EDN3: variants seen among roughly 807,000 people sequenced by gnomAD.
EDN3 encodes endothelin 3, also known as endothelin-3.
Under a neutral mutation model 21.4 loss-of-function variants are expected in EDN3, and 9 were observed. That is an observed-to-expected ratio of 0.42 (90% CI 0.25 to 0.73). EDN3 has a LOEUF of 0.73. Ranked by LOEUF, EDN3 falls within the 30% of genes least tolerant of loss-of-function variation. The pLI is 0.26. For missense variants in EDN3, 327 were observed against 309.4 expected (o/e 1.06, Z -0.43); for synonymous variants, 133 against 126.2 (o/e 1.05, Z -0.36).
Position 59,324,604 on chromosome 20 carries a change from C to T in EDN3, c.*145C>T, listed in dbSNP as rs886056881. ...AGAGTCCCCACTTAACAATACCCCC[C>T]CCCCACGGCAAGAATGCCCAAATCC... On this transcript the variant is annotated 3_prime_UTR_variant, in exon 5 of 5. Transcript: ENST00000337938. 9 of 1,105,186 alleles carry T rather than the reference C, an allele frequency of 8.1e-6. No individual in the cohort carries two copies. The East Asian group carries it at 1.6e-4, about 19-fold the overall frequency. The allele number at this position is 1,105,186 out of a possible 1,614,324, so 68.5% of individuals were successfully genotyped here.
At chr20:59,304,301 A>T (rs776220546) in intron 2 of EDN3, among the ~76,000 whole-genome samples, 5 of 152,234 alleles carry the variant, frequency 3.3e-5, no homozygotes, top group Non-Finnish European at 5.9e-5. Flanking sequence ...GAAGTGAGGG[A>T]CACAGTCTTT....
At chr20:59,302,314 TC>T (rs1266316431) in intron 2 of EDN3, among the ~76,000 whole-genome samples, 1 of 152,144 alleles carries the variant, frequency 6.6e-6, no homozygotes, top group Admixed American at 6.5e-5. Context: ...CCTTGGGCCT[TC>T]CACAGGCTGG....
Position 59,305,665 on chromosome 20 carries a change from G to T in EDN3, c.365+3943G>T, listed in dbSNP as rs993747427. Among the ~76,000 whole-genome samples, 8 of 152,204 alleles carry T rather than the reference G, an allele frequency of 5.3e-5. No homozygotes were observed. Among genetic ancestry groups the T allele is most frequent in the African/African-American group, 1.7e-4 (7 of 41,458 alleles). On this transcript the variant is annotated intron_variant, in intron 2 of 4. Coordinates refer to ENST00000337938, the MANE Select transcript of EDN3 (RefSeq NM_207034.3). The surrounding 1 kb of genome is among the most constrained non-coding windows in gnomAD (Gnocchi z 4.2). ...GAATTTGGCTTACATGATTGTGGGGGCTGGCAGGCCAGAAATCTGCATGCC... is the reference window on the plus strand; with the variant it reads ...GAATTTGGCTTACATGATTGTGGGGTCTGGCAGGCCAGAAATCTGCATGCC...
intron 2 of EDN3, 21 bp downstream of exon 2, chr20:59,301,743 G>T: frequency 1.9e-6 from 3 of 1,613,556 alleles, no homozygotes; most frequent in South Asian, 2.2e-5. Context: ...CTTTTGTGGT[G>T]AGGAACGTGG....
At chr20:59,324,087 G>A (rs1274601348) in intron 4 of EDN3, among the ~76,000 whole-genome samples, 1 of 152,216 alleles carries the variant, frequency 6.6e-6, no homozygotes, top group Non-Finnish European at 1.5e-5. Flanking sequence ...GATGGGGCCA[G>A]GCTGCGGGAG....
Position 59,300,753 on chromosome 20 carries a change from C to T in EDN3, c.-60C>T. On this transcript the variant is annotated 5_prime_UTR_variant, in exon 1 of 5. Transcript: ENST00000337938. ...GCCAGCTGTACCCGGCCCCAGTGCC[C>T]TTTCGCGGCCACAAGCGGCCGTCCT... The T allele has an allele frequency of 6.4e-7, 1 of 1,572,008 alleles. No individual in the cohort carries two copies. The highest frequency in any genetic ancestry group is 1.8e-5 in the Admixed American group (1 of 55,810).
chr20:59,316,753 A>G (rs112561318), intron 2 of EDN3, among the ~76,000 whole-genome samples: 408 of 152,366 alleles, frequency 2.7e-3, no homozygotes, highest in Non-Finnish European at 4.4e-3. Flanking sequence ...AATAAGAAAC[A>G]TTTGATAAAA....
chr20:59,309,144 A>T (rs933649189), intron 2 of EDN3, among the ~76,000 whole-genome samples: 5 of 152,188 alleles, frequency 3.3e-5, no homozygotes, highest in Admixed American at 6.5e-5. Context: ...AGTTTTCAGT[A>T]ATGGGGCATG....
intron 2 of EDN3, among the ~76,000 whole-genome samples, chr20:59,313,909 G>C (rs1474383775): frequency 5.3e-5 from 8 of 152,214 alleles, no homozygotes; most frequent in Non-Finnish European, 1.0e-4. Context: ...GCACCCCATG[G>C]GCTGTCTGGC....
intron 2 of EDN3, among the ~76,000 whole-genome samples, chr20:59,317,815 A>G (rs968912278): frequency 6.6e-6 from 1 of 152,262 alleles, no homozygotes; most frequent in Non-Finnish European, 1.5e-5. Flanking sequence ...TGATCTCACC[A>G]TGAATTACCA....
chr20:59,311,254 G>A (rs919157527), intron 2 of EDN3, among the ~76,000 whole-genome samples: 7 of 152,088 alleles, frequency 4.6e-5, no homozygotes, highest in East Asian at 3.9e-4. Flanking sequence ...AAGGGGTCCC[G>A]ATCCAGACCC....
Position 59,324,557 on chromosome 20 carries a change from C to T in EDN3, c.*98C>T. On this transcript the variant is annotated 3_prime_UTR_variant, in exon 5 of 5. Coordinates refer to ENST00000337938, the MANE Select transcript of EDN3 (RefSeq NM_207034.3). ...CTTTATAGACAAGAAGTGAATTTGC[C>T]TGGGGCAGAACACCCACCCAAAGAG... is the stretch of plus-strand genomic sequence containing the variant. The T allele has an allele frequency of 6.3e-7, 1 of 1,574,820 alleles. No individual in the cohort carries two copies. Among genetic ancestry groups the T allele is most frequent in the Non-Finnish European group, 8.7e-7 (1 of 1,150,958 alleles).
At chr20:59,313,641 G>A (rs976132472) in intron 2 of EDN3, among the ~76,000 whole-genome samples, 2 of 152,174 alleles carry the variant, frequency 1.3e-5, no homozygotes, top group Non-Finnish European at 2.9e-5. Context: ...TGAGGGCTGC[G>A]GGAGATGGAC....
chr20:59,321,562 C>T (rs1373518768), intron 3 of EDN3, among the ~76,000 whole-genome samples: 1 of 152,186 alleles, frequency 6.6e-6, no homozygotes. Context: ...GTATTTTTAG[C>T]CTTCTCGAAA....
At chr20:59,310,051 T>C (rs2146842600) in intron 2 of EDN3, among the ~76,000 whole-genome samples, 3 of 152,322 alleles carry the variant, frequency 2.0e-5, no homozygotes, top group Admixed American at 2.0e-4. Flanking sequence ...GCCTTCAATC[T>C]GAAGGCACAT....
Position 59,306,595 on chromosome 20 carries a change from T to TAAA in EDN3, c.365+4895_365+4897dup, listed in dbSNP as rs57144708. 3.6e-3 allele frequency among the ~76,000 whole-genome samples: 226 copies of TAAA among 62,428 alleles called. 2 individuals are homozygous for TAAA. Among genetic ancestry groups the TAAA allele is most frequent in the African/African-American group, 0.017 (206 of 12,008 alleles). The allele number at this position is 62,428 out of a possible 152,430, so 41.0% of individuals were successfully genotyped here. On this transcript the variant is annotated intron_variant, in intron 2 of 4. Coordinates refer to ENST00000337938, the MANE Select transcript of EDN3 (RefSeq NM_207034.3). ...TTTTCTCCCCTAAATGCATAAAGAG[T>TAAA]AAAAAAAAAAAAAAAAAAAAAAAAG... is the stretch of plus-strand genomic sequence containing the variant.
Position 59,301,739 on chromosome 20 carries a change from T to C in EDN3, c.365+17T>C. On this transcript the variant is annotated intron_variant, in intron 2 of 4. Transcript: ENST00000337938. ...CACTCCCGAGTAAGTCAGCCTTTTGTGGTGAGGAACGTGGCTCCCGGACCA... is the reference window on the plus strand; with the variant it reads ...CACTCCCGAGTAAGTCAGCCTTTTGCGGTGAGGAACGTGGCTCCCGGACCA... 3 of 1,613,910 alleles carry C rather than the reference T, an allele frequency of 1.9e-6. No homozygotes were observed. Among genetic ancestry groups the C allele is most frequent in the Non-Finnish European group, 1.7e-6 (2 of 1,179,802 alleles).
At chr20:59,309,060 A>T (rs1037145041) in intron 2 of EDN3, among the ~76,000 whole-genome samples, 2 of 152,172 alleles carry the variant, frequency 1.3e-5, no homozygotes, top group Non-Finnish European at 2.9e-5. Flanking sequence ...GGCTGGGCTG[A>T]GATTCAGTCC....
intron 4 of EDN3, among the ~76,000 whole-genome samples, chr20:59,323,479 C>A (rs1191256799): frequency 6.6e-6 from 1 of 152,194 alleles, no homozygotes; most frequent in Admixed American, 6.5e-5. Flanking sequence ...ATTCTCGATG[C>A]TGGGGACATA....
Sources: gnomAD v4.1 joint callset for allele counts (sites outside exome capture counted in the v4.1 genomes callset) on GRCh38, gnomAD v4.1.1 for gene constraint, Gnocchi (gnomAD v3.1) non-coding constraint, MANE v1.5 for transcripts, NCBI Gene and HGNC (gene_info 2026-07-23, HGNC 2026-07-21) for gene names.